DCAF5: variants seen among roughly 807,000 people sequenced by gnomAD.
The protein encoded by DCAF5 is DDB1 and CUL4 associated factor 5.
Under a neutral mutation model 80.7 loss-of-function variants are expected in DCAF5, and 9 were observed. The ratio of observed to expected loss-of-function variants is 0.11; its 90% confidence interval spans 0.07 to 0.19. The LOEUF (loss-of-function observed/expected upper bound fraction) is 0.19, where lower values mean the gene tolerates loss of function less well. DCAF5 is among the 10% of genes least tolerant of loss of function. The probability of loss-of-function intolerance (pLI) is 1.00; values close to 1 mark genes in which losing one functional copy is unlikely to be tolerated. For synonymous variants in DCAF5, 433 were observed against 461.9 expected (o/e 0.94, Z 0.80); for missense variants, 842 against 1,205.7 (o/e 0.70, Z 4.47).
chr14:69,106,974 G>A (rs1418061280), intron 5 of DCAF5, among the ~76,000 whole-genome samples: 2 of 152,096 alleles, frequency 1.3e-5, no homozygotes, highest in African/African-American at 4.8e-5. Context: ...CCCAAGAGGT[G>A]GAAGCTGCAG....
intron 2 of DCAF5, among the ~76,000 whole-genome samples, chr14:69,120,932 G>T (rs528794480): frequency 6.6e-6 from 1 of 152,304 alleles, no homozygotes; most frequent in African/African-American, 2.4e-5. Context: ...CATAAGCAGG[G>T]TGAAAGTACA....
chr14:69,055,309 T>C lies in DCAF5; in HGVS notation c.1377A>G (p.Ser459=). 1.9e-6 allele frequency: 3 copies of C among 1,614,184 alleles called. No individual in the cohort carries two copies. Among genetic ancestry groups the C allele is most frequent in the Non-Finnish European group, 2.5e-6 (3 of 1,180,024 alleles). ...GVSERSGYTD[S]ESSASLPRSP... is the part of the protein sequence containing the mutation. ...AGCGAGGCAATGAGGCCGAAGACTC[T>C]GAGTCAGTGTAGCCTGAGCGCTCGC... Residue 459 remains serine (S), a synonymous_variant, in exon 9 of 9, where the codon TCA becomes TCG. Transcript: ENST00000341516. This position sits in a 1 kb window ranked among gnomAD's most constrained non-coding sequence, Gnocchi z 5.6.
At chr14:69,108,364 A>G (rs2140028616) in intron 5 of DCAF5, among the ~76,000 whole-genome samples, 1 of 152,274 alleles carries the variant, frequency 6.6e-6, no homozygotes, top group South Asian at 2.1e-4. Context: ...AATCAAGAAA[A>G]CAGGAGAAAG....
chr14:69,096,598 G>A (rs916409368), intron 5 of DCAF5, among the ~76,000 whole-genome samples: 3 of 152,186 alleles, frequency 2.0e-5, no homozygotes, highest in Non-Finnish European at 2.9e-5. Context: ...CATGCCCAGA[G>A]TGGATGTGTT....
chr14:69,122,113 C>T, intron 2 of DCAF5, 104 bp downstream of exon 2: 2 of 1,356,070 alleles, frequency 1.5e-6, no homozygotes, highest in Admixed American at 1.9e-5. Flanking sequence ...AGTAATTCCA[C>T]AGCTCAATGA....
chr14:69,071,237 A>C (rs2038680219), intron 7 of DCAF5, among the ~76,000 whole-genome samples: 1 of 152,208 alleles, frequency 6.6e-6, no homozygotes, highest in Non-Finnish European at 1.5e-5. Context: ...CCCACTAGGA[A>C]GTCCTATTGG....
chr14:69,075,318 G>T, intron 7 of DCAF5, 27 bp downstream of exon 7: 1 of 1,595,316 alleles, frequency 6.3e-7, no homozygotes, highest in Non-Finnish European at 8.6e-7. Context: ...AGCAATAGCA[G>T]TACATTCATG....
At position 69,095,863 on chromosome 14, in the gene DCAF5, G is replaced by A. The variant is rs554951620; in HGVS notation, c.666-3976C>T. Among the ~76,000 whole-genome samples, 38 of 152,210 alleles carry A rather than the reference G, an allele frequency of 2.5e-4. No homozygotes were observed. The South Asian group carries it at 6.6e-3, about 27-fold the overall frequency. ...GCATGAATTTCCTCATTGTTTCCAC[G>A]TGAAAGCTCTATAAGACCGGTGGAA... On this transcript the variant is annotated intron_variant, in intron 5 of 8. Coordinates refer to ENST00000341516, the MANE Select transcript of DCAF5 (RefSeq NM_003861.3).
intron 5 of DCAF5, among the ~76,000 whole-genome samples, chr14:69,113,916 C>T (rs1452334129): frequency 6.6e-6 from 1 of 152,028 alleles, no homozygotes; most frequent in African/African-American, 2.4e-5. Context: ...TCTTTTATTC[C>T]AAAAAGAAAT....
chr14:69,119,357 T>C, intron 2 of DCAF5, 127 bp from the exon 3 acceptor site: 3 of 825,790 alleles, frequency 3.6e-6, no homozygotes, highest in Non-Finnish European at 5.7e-6. Flanking sequence ...AAATTAGAAG[T>C]GTTAACTGGA....
chr14:69,142,611 T>A (rs2041410912), intron 1 of DCAF5, among the ~76,000 whole-genome samples: 1 of 152,206 alleles, frequency 6.6e-6, no homozygotes. Flanking sequence ...ATACTGTGTG[T>A]GTGAAAAAGT....
rs182883479 is a variant in DCAF5 at position 69,106,005 on chromosome 14, C to A, written c.665+10361G>T. On this transcript the variant is annotated intron_variant, in intron 5 of 8. Coordinates refer to ENST00000341516, the MANE Select transcript of DCAF5 (RefSeq NM_003861.3). Reference sequence around the variant, plus strand: ...AATAATTATACATAGTGTGAAATACCCAGAATAGGTAAATATTATTTTTAC... The same window carrying A: ...AATAATTATACATAGTGTGAAATACACAGAATAGGTAAATATTATTTTTAC... Among the ~76,000 whole-genome samples, 15 of 135,514 alleles carry A rather than the reference C, an allele frequency of 1.1e-4. No individual in the cohort carries two copies. The East Asian group carries it at 3.6e-3, about 32-fold the overall frequency. The allele number at this position is 135,514 out of a possible 152,430, so 88.9% of individuals were successfully genotyped here.
intron 7 of DCAF5, among the ~76,000 whole-genome samples, chr14:69,063,508 A>G (rs148415182): frequency 3.3e-5 from 5 of 152,124 alleles, no homozygotes; most frequent in Non-Finnish European, 7.3e-5. Context: ...TCATTTATCT[A>G]CTCAAGGGAT....
intron 1 of DCAF5, among the ~76,000 whole-genome samples, chr14:69,138,138 A>T (rs1405104128): frequency 6.6e-6 from 1 of 152,228 alleles, no homozygotes; most frequent in Non-Finnish European, 1.5e-5. Flanking sequence ...TTAAAAAAAA[A>T]AAAGGAACAT....
At chr14:69,083,439 G>A in intron 6 of DCAF5, 1 of 320,120 alleles carries the variant, frequency 3.1e-6, no homozygotes, top group Non-Finnish European at 6.0e-6. Context: ...AGAAGATCAA[G>A]AAGTGGAACC....
Position 69,099,787 on chromosome 14 carries a change from A to AAC in DCAF5, c.666-7901_666-7900insGT, listed in dbSNP as rs1555373816. 5.3e-5 allele frequency among the ~76,000 whole-genome samples: 8 copies of AAC among 151,946 alleles called. No individual in the cohort carries two copies. The East Asian group carries it at 9.7e-4, about 18-fold the overall frequency. On this transcript the variant is annotated intron_variant, in intron 5 of 8. Transcript: ENST00000341516. ...GTGAAACCCTGTCTCTACAAAAAAA[A>AAC]AATACAAAAATTAGCCGAGCATAGT...
At chr14:69,076,116 C>CA (rs35853040) in intron 6 of DCAF5, among the ~76,000 whole-genome samples, 2,984 of 137,266 alleles carry the variant, frequency 0.022, 64 homozygotes, top group East Asian at 0.075. Flanking sequence ...TGACTATTAC[C>CA]AAAAAAAAAA....
chr14:69,085,437 T>A (rs2039279509), intron 6 of DCAF5: 1 of 449,850 alleles, frequency 2.2e-6, no homozygotes, highest in Non-Finnish European at 4.3e-6. Flanking sequence ...AAAATGATTC[T>A]TTTCCTCCCT....
intron 1 of DCAF5, among the ~76,000 whole-genome samples, chr14:69,124,369 T>A (rs949419689): frequency 6.6e-6 from 1 of 152,230 alleles, no homozygotes; most frequent in Non-Finnish European, 1.5e-5. Context: ...TACCTTCCTA[T>A]ACTGCTTGAC....
Sources: allele counts gnomAD v4.1 joint callset (sites outside exome capture counted in the v4.1 genomes callset), GRCh38; gene constraint gnomAD v4.1.1; non-coding constraint Gnocchi (gnomAD v3.1); transcripts MANE v1.5; gene names NCBI Gene and HGNC (gene_info 2026-07-23, HGNC 2026-07-21).